SPAST: variants seen among roughly 807,000 people sequenced by gnomAD.
SPAST encodes spastin, also known as spastic paraplegia 4 (autosomal dominant; spastin).
In SPAST, 30 loss-of-function variants were observed where a neutral mutation model predicts 76.6. That is an observed-to-expected ratio of 0.39 (90% CI 0.29 to 0.53). SPAST has a LOEUF of 0.53. Among genes scored for constraint, SPAST ranks in the 20% least tolerant of loss-of-function variants. The pLI is 0.68. For synonymous variants in SPAST, 305 were observed against 281.0 expected, an observed-to-expected ratio of 1.09 and a Z score of -0.86; for missense variants, 717 against 770.5, an observed-to-expected ratio of 0.93 and a Z score of 0.82.
At chr2:32,074,288 G>T (rs1448290027) in intron 1 of SPAST, among the ~76,000 whole-genome samples, 1 of 152,102 alleles carries the variant, frequency 6.6e-6, no homozygotes, top group Non-Finnish European at 1.5e-5. Context: ...CTGGAAAAGG[G>T]GAATATTTGG....
intron 4 of SPAST, among the ~76,000 whole-genome samples, chr2:32,105,962 G>A (rs2148723414): frequency 6.6e-6 from 1 of 152,308 alleles, no homozygotes; most frequent in East Asian, 1.9e-4. Context: ...ACTCCATGCT[G>A]GGAGAACTAC....
Position 32,098,787 on chromosome 2 carries a change from G to C in SPAST, c.587-9G>C. On this transcript the variant is annotated splice_polypyrimidine_tract_variant and intron_variant, in intron 3 of 16. Transcript: ENST00000315285. ...ATTTTTTCTGTTTTTTACCTTCTCT[G>C]TTGCATAGAGAAGATGCAACCAGTT... The C allele has an allele frequency of 6.4e-7, 1 of 1,570,436 alleles. No individual in the cohort carries two copies. Among genetic ancestry groups the C allele is most frequent in the Non-Finnish European group, 8.8e-7 (1 of 1,140,914 alleles).
chr2:32,114,607 A>G (rs1229068773), intron 4 of SPAST, 31 bp from the exon 5 acceptor site: 1 of 1,581,714 alleles, frequency 6.3e-7, no homozygotes, highest in Admixed American at 1.7e-5. Context: ...ACAATTTTCT[A>G]ATCACAATGG....
chr2:32,099,359 T>A (rs1678034741), intron 4 of SPAST, among the ~76,000 whole-genome samples: 1 of 152,148 alleles, frequency 6.6e-6, no homozygotes, highest in Non-Finnish European at 1.5e-5. Context: ...CTTCACATAG[T>A]GAGGAGAAAC....
rs1236690380 is a variant in SPAST, at chr2:32,136,866, A to G, written c.1322-11A>G. The G allele has an allele frequency of 1.9e-6, 3 of 1,603,850 alleles. No individual in the cohort carries two copies. The highest frequency in any genetic ancestry group is 2.2e-5 in the East Asian group (1 of 44,768). ...TCTTTAATTAAAGTCTTATACTTGT[A>G]TTTCCTCTAGATGAAGTTGATAGCC... On this transcript the variant is annotated splice_polypyrimidine_tract_variant and intron_variant, in intron 10 of 16. Coordinates refer to ENST00000315285, the MANE Select transcript of SPAST (RefSeq NM_014946.4).
intron 16 of SPAST, among the ~76,000 whole-genome samples, chr2:32,152,926 T>G (rs1386440858): frequency 6.6e-6 from 1 of 152,074 alleles, no homozygotes; most frequent in African/African-American, 2.4e-5. Flanking sequence ...TTTTGTACAT[T>G]TTGTAGAGAT....
At chr2:32,128,635 AAAGT>A in intron 9 of SPAST, 156 bp downstream of exon 9, 1 of 652,996 alleles carries the variant, frequency 1.5e-6, no homozygotes, top group Non-Finnish European at 2.8e-6. Flanking sequence ...TTCAGAGTAG[AAAGT>A]TATGTACATT....
intron 6 of SPAST, 21 bp downstream of exon 6, chr2:32,115,856 GTTTTA>G (rs1425812694): frequency 2.5e-6 from 4 of 1,581,382 alleles, no homozygotes; most frequent in South Asian, 1.1e-5. Flanking sequence ...CCATCTAAAT[GTTTTA>G]TTTTATAGTT....
At chr2:32,065,778 C>T (rs935374756) in intron 1 of SPAST, among the ~76,000 whole-genome samples, 1 of 152,120 alleles carries the variant, frequency 6.6e-6, no homozygotes, top group Non-Finnish European at 1.5e-5. Flanking sequence ...AAAAACTGTT[C>T]TAGAATTTCA....
intron 4 of SPAST, among the ~76,000 whole-genome samples, chr2:32,104,986 T>G (rs1253499590): frequency 6.6e-6 from 1 of 152,228 alleles, no homozygotes; most frequent in Non-Finnish European, 1.5e-5. Context: ...TTCCTGAATT[T>G]GAATGTTGGC....
At chr2:32,145,662 T>C (rs1679862232) in intron 15 of SPAST, among the ~76,000 whole-genome samples, 1 of 152,242 alleles carries the variant, frequency 6.6e-6, no homozygotes. Flanking sequence ...ATTATATCTT[T>C]TGAGGGATTG....
At chr2:32,111,561 G>A (rs901420560) in intron 4 of SPAST, among the ~76,000 whole-genome samples, 10 of 151,086 alleles carry the variant, frequency 6.6e-5, no homozygotes, top group Non-Finnish European at 1.5e-4. Context: ...CCAAAGCCAC[G>A]TATTATATAT....
rs773913951 is a variant in SPAST at position 32,063,880 on chromosome 2, A to C, written c.49A>C (p.Ser17Arg). Residue 17 changes from serine (S) to arginine (R), a missense_variant, in exon 1 of 17, where the codon AGC becomes CGC. Transcript: ENST00000315285. ...GAAGAAGAAAGGCTCCGGCGGCGCC[A>C]GCAACCCGGTGCCTCCCAGGCCTCC... Reference protein sequence around the residue: ...RGKKKGSGGASNPVPPRPPPP... With the variant: ...RGKKKGSGGARNPVPPRPPPP... The C allele has an allele frequency of 6.3e-7, 1 of 1,585,016 alleles. No individual in the cohort carries two copies. Among genetic ancestry groups the C allele is most frequent in the South Asian group, 1.1e-5 (1 of 88,464 alleles).
chr2:32,078,778 GA>G (rs548579886), intron 1 of SPAST, among the ~76,000 whole-genome samples: 187 of 152,102 alleles, frequency 1.2e-3, no homozygotes, highest in African/African-American at 4.3e-3. Context: ...ATTCATCAGA[GA>G]AAAAAATATG....
At chr2:32,066,972 CAAAAAAAA>C (rs60829143) in intron 1 of SPAST, among the ~76,000 whole-genome samples, 43 of 77,602 alleles carry the variant, frequency 5.5e-4, no homozygotes, top group Admixed American at 5.2e-4. Context: ...AAAACTGTCT[CAAAAAAAA>C]AAAAAAAAAA....
chr2:32,068,005 G>T (rs756361014), intron 1 of SPAST, among the ~76,000 whole-genome samples: 1 of 147,030 alleles, frequency 6.8e-6, no homozygotes, highest in East Asian at 2.0e-4. Context: ...TTGAGACAGA[G>T]CCTCGCTTTG....
At chr2:32,095,616 T>A (rs1217506457) in intron 3 of SPAST, among the ~76,000 whole-genome samples, 2 of 150,644 alleles carry the variant, frequency 1.3e-5, no homozygotes, top group Non-Finnish European at 3.0e-5. Context: ...GCACCTGTAG[T>A]CCTAGCTACT....
Position 32,115,766 on chromosome 2 carries a change from A to G in SPAST, c.935A>G (p.Lys312Arg), listed in dbSNP as rs540279272. ...STPTTATRKK[K>R]DLKNFRNVDS... ...CCTACAACTGCTACTCGTAAGAAAA[A>G]AGACTTGAAGAATTTTAGGAATGTG... Residue 312 changes from lysine (K) to arginine (R), a missense_variant, in exon 6 of 17, where the codon AAA becomes AGA. Physicochemically the swap from Lys to Arg is conservative, Grantham distance 26. Transcript: ENST00000315285. 6.2e-7 allele frequency: 1 copy of G among 1,611,576 alleles called. No homozygotes were observed. The highest frequency in any genetic ancestry group is 1.1e-5 in the South Asian group (1 of 90,946).
chr2:32,145,559 C>T lies in SPAST; in HGVS notation c.1687+552C>T, dbSNP rs550352751. Among the ~76,000 whole-genome samples, 3 of 152,320 alleles carry T rather than the reference C, an allele frequency of 2.0e-5. No individual in the cohort carries two copies. In the East Asian group the frequency reaches 5.8e-4, roughly 29 times the overall value. The stretch of plus-strand genomic sequence containing the variant: ...AAAAGAATAATGTAAGGAAAATGTT[C>T]TTATCTGTTTTCTGGCTCTTTTCAG... On this transcript the variant is annotated intron_variant, in intron 15 of 16. Transcript: ENST00000315285.
Sources: gnomAD v4.1 joint callset for allele counts (sites outside exome capture counted in the v4.1 genomes callset) on GRCh38, gnomAD v4.1.1 for gene constraint, MANE v1.5 for transcripts, NCBI Gene and HGNC (gene_info 2026-07-23, HGNC 2026-07-21) for gene names.